The following KCNQ4 variants were observed in gnomAD, a reference collection of about 807,000 sequenced individuals.
The protein encoded by KCNQ4 is potassium voltage-gated channel subfamily KQT member 4.
In KCNQ4, 31 loss-of-function variants were observed where a neutral mutation model predicts 72.6. The observed-to-expected ratio is 0.43, with a 90% CI of 0.32 to 0.58. The LOEUF is 0.58. Ranked by LOEUF, KCNQ4 falls within the 20% of genes least tolerant of loss-of-function variation. KCNQ4 has a pLI of 0.08. For missense variants in KCNQ4, 869 were observed against 962.6 expected, an observed-to-expected ratio of 0.90 and a Z score of 1.29; for synonymous variants, 405 against 403.7, an observed-to-expected ratio of 1.00 and a Z score of -0.04.
chr1:40,795,127 C>G (rs899386464), intron 1 of KCNQ4, among the ~76,000 whole-genome samples: 2 of 152,134 alleles, frequency 1.3e-5, no homozygotes, highest in Admixed American at 6.5e-5. Flanking sequence ...CTCTGAGGCA[C>G]CAGCTTCCTT....
intron 12 of KCNQ4, 68 bp downstream of exon 12, chr1:40,835,166 G>T: frequency 1.3e-6 from 2 of 1,575,006 alleles, no homozygotes; most frequent in Non-Finnish European, 1.7e-6. Context: ...AATGAAGTCT[G>T]AGGCCAACCC....
At chr1:40,811,303 T>G (rs999932470) in intron 1 of KCNQ4, among the ~76,000 whole-genome samples, 33 of 152,310 alleles carry the variant, frequency 2.2e-4, no homozygotes, top group African/African-American at 7.7e-4. Context: ...GAGGTATAAA[T>G]GTGGAGAAGG....
At position 40,838,619 on chromosome 1, in the gene KCNQ4, C is replaced by A; in HGVS notation, c.*96C>A. 1 of 1,149,022 alleles carries A rather than the reference C, an allele frequency of 8.7e-7. No individual in the cohort carries two copies. The highest frequency in any genetic ancestry group is 1.2e-5 in the South Asian group (1 of 80,018). 71.2% of individuals were successfully genotyped at this position (1,149,022 alleles called of 1,614,324 possible). On this transcript the variant is annotated 3_prime_UTR_variant, in exon 14 of 14. Coordinates refer to ENST00000347132, the MANE Select transcript of KCNQ4 (RefSeq NM_004700.4). ...TCCGGACTCCTCTCGTACTTGAACT[C>A]ACTCCCTCACGGGGAGAGAGACCAC...
intron 9 of KCNQ4, among the ~76,000 whole-genome samples, chr1:40,825,020 G>GT (rs1648435025): frequency 6.6e-6 from 1 of 152,162 alleles, no homozygotes. Flanking sequence ...CCACATAAAC[G>GT]TTCCTAAAGA....
intron 4 of KCNQ4, chr1:40,819,055 G>C: frequency 1.8e-6 from 1 of 549,942 alleles, no homozygotes; most frequent in Non-Finnish European, 3.4e-6. Flanking sequence ...CTGAAAGTGG[G>C]ACTTGGGGGA....
At chr1:40,811,378 A>G (rs1055748092) in intron 1 of KCNQ4, among the ~76,000 whole-genome samples, 1 of 152,230 alleles carries the variant, frequency 6.6e-6, no homozygotes, top group Admixed American at 6.5e-5. Context: ...AACTGCTCCC[A>G]TCACCTAAGC....
chr1:40,797,756 A>C (rs539278278), intron 1 of KCNQ4, among the ~76,000 whole-genome samples: 2 of 152,196 alleles, frequency 1.3e-5, no homozygotes, highest in African/African-American at 4.8e-5. Context: ...AACCCTGCTC[A>C]GGGCCTGGCT....
chr1:40,784,851 G>A lies in KCNQ4; in HGVS notation c.314+444G>A, dbSNP rs988623396. Among the ~76,000 whole-genome samples the A allele has an allele frequency of 6.6e-6, 1 of 152,216 alleles. No individual in the cohort carries two copies. Among genetic ancestry groups the A allele is most frequent in the African/African-American group, 2.4e-5 (1 of 41,456 alleles). On this transcript the variant is annotated intron_variant, in intron 1 of 13. Coordinates refer to ENST00000347132, the MANE Select transcript of KCNQ4 (RefSeq NM_004700.4). The surrounding 1 kb of genome is among the most constrained non-coding windows in gnomAD (Gnocchi z 4.1). The stretch of plus-strand genomic sequence containing the variant: ...TCTGTCACCTGCTCCCCAGCTCTGA[G>A]CTATGAAGGGCTCCCCTCAGGGGTG...
At position 40,819,192 on chromosome 1, in the gene KCNQ4, G is replaced by A. The variant is rs12145930; in HGVS notation, c.709-155G>A. 0.22 allele frequency among the ~76,000 whole-genome samples: 32,456 copies of A among 148,652 alleles called. 4,481 individuals are homozygous for A. Among genetic ancestry groups the A allele is most frequent in the Non-Finnish European group, 0.3 (20,387 of 66,856 alleles). On this transcript the variant is annotated intron_variant, in intron 4 of 13. Transcript: ENST00000347132. Reference sequence around the variant, plus strand: ...GAGTGCTGGCGGTTTCGCGAAGGCCGGGGCAGGGTCGCCGTGATGGGAGGA... The same window carrying A: ...GAGTGCTGGCGGTTTCGCGAAGGCCAGGGCAGGGTCGCCGTGATGGGAGGA...
chr1:40,784,473 G>T lies in KCNQ4; in HGVS notation c.314+66G>T. On this transcript the variant is annotated intron_variant, in intron 1 of 13. Transcript: ENST00000347132. The surrounding 1 kb of genome is among the most constrained non-coding windows in gnomAD (Gnocchi z 4.1). ...AAGCCTGGCCTCCCGGGGCACGGCCGCCCCGCCCTGGCTCCGCCTTCTACC... is the reference window on the plus strand; with the variant it reads ...AAGCCTGGCCTCCCGGGGCACGGCCTCCCCGCCCTGGCTCCGCCTTCTACC... 2 of 1,494,162 alleles carry T rather than the reference G, an allele frequency of 1.3e-6. No homozygotes were observed. The highest frequency in any genetic ancestry group is 1.8e-6 in the Non-Finnish European group (2 of 1,086,384). The allele number at this position is 1,494,162 out of a possible 1,614,324, so 92.6% of individuals were successfully genotyped here.
Position 40,818,689 on chromosome 1 carries a change from T to A in KCNQ4, c.708+9T>A, listed in dbSNP as rs191389529. 140 of 1,586,698 alleles carry A rather than the reference T, an allele frequency of 8.8e-5. No individual in the cohort carries two copies. In the African/African-American group the frequency reaches 1.6e-3, roughly 18 times the overall value. ...TCTACGCGCATAGCAAGGTGAGGCC[T>A]GCAAGCCGCGCGCGGAGACCCGAGG... On this transcript the variant is annotated intron_variant, in intron 4 of 13. Transcript: ENST00000347132.
At chr1:40,807,391 C>A (rs182030061) in intron 1 of KCNQ4, among the ~76,000 whole-genome samples, 145 of 152,310 alleles carry the variant, frequency 9.5e-4, no homozygotes, top group Admixed American at 6.6e-3. Context: ...TAAGCCCCAG[C>A]GCAAGCCTCT....
At chr1:40,790,021 G>C (rs1647248716) in intron 1 of KCNQ4, among the ~76,000 whole-genome samples, 1 of 152,236 alleles carries the variant, frequency 6.6e-6, no homozygotes, top group Non-Finnish European at 1.5e-5. Context: ...TTGCCCTGGG[G>C]GAAGCTCCTA....
chr1:40,829,222 GA>G (rs1384155065), intron 9 of KCNQ4, among the ~76,000 whole-genome samples: 1 of 152,258 alleles, frequency 6.6e-6, no homozygotes, highest in Non-Finnish European at 1.5e-5. Flanking sequence ...GAGGACAGGA[GA>G]AGGGGTTGCA....
At chr1:40,797,375 A>G (rs146763832) in intron 1 of KCNQ4, among the ~76,000 whole-genome samples, 18 of 152,372 alleles carry the variant, frequency 1.2e-4, no homozygotes, top group Middle Eastern at 3.4e-3. Flanking sequence ...AGAATAGCAC[A>G]GGCAGAGACC....
intron 1 of KCNQ4, among the ~76,000 whole-genome samples, chr1:40,799,148 G>A (rs1420960101): frequency 6.6e-6 from 1 of 152,252 alleles, no homozygotes; most frequent in African/African-American, 2.4e-5. Context: ...TCCTCTGCTT[G>A]GGGCCTTCCC....
intron 1 of KCNQ4, among the ~76,000 whole-genome samples, chr1:40,801,068 T>C (rs1285512365): frequency 6.6e-6 from 1 of 151,824 alleles, no homozygotes; most frequent in Non-Finnish European, 1.5e-5. Context: ...TGTTGTAGGA[T>C]TGTAAATGGG....
Position 40,818,203 on chromosome 1 carries a change from G to C in KCNQ4, c.445G>C (p.Val149Leu), listed in dbSNP as rs755979378. The stretch of plus-strand genomic sequence containing the variant: ...CGTGGTTTTCGGCTTGGAGTACATC[G>C]TCCGGGTCTGGTCCGCCGGATGCTG... ...MIVVFGLEYI[V>L]RVWSAGCCCR... Residue 149 changes from valine (V) to leucine (L), a missense_variant, in exon 3 of 14, where the codon GTC becomes CTC. Physicochemically the swap from Val to Leu is conservative, Grantham distance 32 (BLOSUM62 1). This residue lies in a region of KCNQ4 where 179 missense variants were observed against 243.0 expected (regional missense o/e 0.74). Transcript: ENST00000347132. The C allele has an allele frequency of 3.1e-6, 5 of 1,613,986 alleles. No homozygotes were observed. The highest frequency in any genetic ancestry group is 3.4e-6 in the Non-Finnish European group (4 of 1,180,032).
chr1:40,814,032 C>T (rs1188704750), intron 1 of KCNQ4, among the ~76,000 whole-genome samples: 1 of 147,402 alleles, frequency 6.8e-6, no homozygotes, highest in Non-Finnish European at 1.5e-5. Context: ...CAGGCGTGAG[C>T]CACTGCGCCC....
Sources: allele counts gnomAD v4.1 joint callset (sites outside exome capture counted in the v4.1 genomes callset), GRCh38; gene constraint gnomAD v4.1.1; regional missense constraint gnomAD v4.1.1; non-coding constraint Gnocchi (gnomAD v3.1); transcripts MANE v1.5; gene names NCBI Gene and HGNC (gene_info 2026-07-23, HGNC 2026-07-21).